Variants in SLF2 observed in about 807,000 individuals in gnomAD.
The protein encoded by SLF2 is SMC5/6 complex localization factor 2.
In SLF2, 68 loss-of-function variants were observed where a neutral mutation model predicts 124.3. The observed-to-expected ratio is 0.55, with a 90% CI of 0.45 to 0.67. The LOEUF (loss-of-function observed/expected upper bound fraction) is 0.67. SLF2 is among the 30% of genes least tolerant of loss of function. The probability of loss-of-function intolerance (pLI) is 0.00; values close to 1 mark genes in which losing one functional copy is unlikely to be tolerated. For missense variants in SLF2, 1,246 were observed against 1,373.7 expected, an observed-to-expected ratio of 0.91 and a Z score of 1.47; for synonymous variants, 480 against 478.8, an observed-to-expected ratio of 1.00 and a Z score of -0.03.
rs77091049 is a variant in SLF2, at chr10:100,936,166, G to C, written c.2437-1236G>C. ...GTGAGACACTGCGCCTGGCCCTAGT[G>C]TAAAAGTTTTAACCAAATTACACTC... On this transcript the variant is annotated intron_variant, in intron 9 of 19. Coordinates refer to ENST00000238961, the MANE Select transcript of SLF2 (RefSeq NM_018121.4). Among the ~76,000 whole-genome samples the C allele has an allele frequency of 7.3e-3, 1,100 of 151,540 alleles. 15 individuals are homozygous for C. Among genetic ancestry groups the C allele is most frequent in the East Asian group, 0.072 (368 of 5,112 alleles).
At chr10:100,955,218 G>A (rs1850307775) in intron 17 of SLF2, among the ~76,000 whole-genome samples, 1 of 151,538 alleles carries the variant, frequency 6.6e-6, no homozygotes, top group Admixed American at 6.6e-5. Flanking sequence ...GGAATTACAG[G>A]TGTGAGCTAC....
chr10:100,936,511 A>AT (rs1564777636), intron 9 of SLF2, among the ~76,000 whole-genome samples: 1 of 151,596 alleles, frequency 6.6e-6, no homozygotes, highest in Non-Finnish European at 1.5e-5. Context: ...TTCTTTTTGT[A>AT]TTTTTAGTAG....
chr10:100,924,995 T>C, intron 5 of SLF2, 23 bp downstream of exon 5: 1 of 1,572,098 alleles, frequency 6.4e-7, no homozygotes, highest in Non-Finnish European at 8.6e-7. Context: ...GTGACGTTTA[T>C]CTTTACTTGA....
chr10:100,913,025 C>A lies in SLF2; in HGVS notation c.-86C>A. 2 of 1,473,824 alleles carry A rather than the reference C, an allele frequency of 1.4e-6. No homozygotes were observed. The highest frequency in any genetic ancestry group is 1.9e-6 in the Non-Finnish European group (2 of 1,077,338). 91.3% of individuals were successfully genotyped at this position (1,473,824 alleles called of 1,614,324 possible). A position where few individuals can be genotyped will look rare whatever the true frequency, so the allele number is the denominator to read the frequency against. On this transcript the variant is annotated 5_prime_UTR_variant, in exon 1 of 20. Coordinates refer to ENST00000238961, the MANE Select transcript of SLF2 (RefSeq NM_018121.4). ...GTGCCGCCCACCTCTGCTCCGACAGCCTCCCGGAGTCCCAGCAGCAAGACG... is the reference window on the plus strand; with the variant it reads ...GTGCCGCCCACCTCTGCTCCGACAGACTCCCGGAGTCCCAGCAGCAAGACG...
intron 4 of SLF2, among the ~76,000 whole-genome samples, chr10:100,923,007 C>T (rs1313488647): frequency 1.3e-5 from 2 of 152,068 alleles, no homozygotes; most frequent in African/African-American, 2.4e-5. Flanking sequence ...AACTCCTGAC[C>T]TCAAGTGATC....
intron 12 of SLF2, 64 bp from the exon 13 acceptor site, chr10:100,945,266 T>A: frequency 7.4e-7 from 1 of 1,356,938 alleles, no homozygotes; most frequent in Non-Finnish European, 9.9e-7. Flanking sequence ...GAGTTTATAA[T>A]TAAAACTCTA....
In SLF2 at chr10:100,917,195, A is replaced by G; in HGVS notation, c.810A>G (p.Ala270=). Residue 270 remains alanine (A), a synonymous_variant, in exon 3 of 20, where the codon GCA becomes GCG. Coordinates refer to ENST00000238961, the MANE Select transcript of SLF2 (RefSeq NM_018121.4). ...ACTCCGAGAATTCTTTCTCAGAAGC[A>G]AGCAGTCTTTCCTTAAAATCTAGTA... ...RINSENSFSE[A]SSLSLKSSIE... is the part of the protein sequence containing the mutation. 6.2e-7 allele frequency: 1 copy of G among 1,614,228 alleles called. No homozygotes were observed.
intron 6 of SLF2, chr10:100,926,449 C>T: frequency 1.7e-6 from 1 of 577,540 alleles, no homozygotes; most frequent in Non-Finnish European, 2.8e-6. Context: ...ACAAAAAATA[C>T]AAAAATTAGC....
In SLF2 at chr10:100,950,065, TC is replaced by T; in HGVS notation, c.3121-10del. ...TTAGCTTTGTTCAATGTCTCCTCTT[TC>T]TTTTGATAGGTATCAGTCCTACATC... On this transcript the variant is annotated splice_polypyrimidine_tract_variant and intron_variant, in intron 15 of 19. Transcript: ENST00000238961. 1 of 1,553,074 alleles carries T rather than the reference TC, an allele frequency of 6.4e-7. No individual in the cohort carries two copies. Among genetic ancestry groups the T allele is most frequent in the Non-Finnish European group, 8.7e-7 (1 of 1,147,816 alleles).
In SLF2 at chr10:100,962,735, C is replaced by T. The variant is rs1850445928; in HGVS notation, c.*823C>T. 6.6e-6 allele frequency: 1 copy of T among 152,504 alleles called. No individual in the cohort carries two copies. The highest frequency in any genetic ancestry group is 1.5e-5 in the Non-Finnish European group (1 of 68,026). The allele number at this position is 152,504 out of a possible 1,614,324, so 9.4% of individuals were successfully genotyped here. On this transcript the variant is annotated 3_prime_UTR_variant, in exon 20 of 20. Coordinates refer to ENST00000238961, the MANE Select transcript of SLF2 (RefSeq NM_018121.4). Reference sequence around the variant, plus strand: ...CTCTTGGTAACCATATTACAGAAGTCTATATTGTAAAAGCCTAAAGATCTG... The same window carrying T: ...CTCTTGGTAACCATATTACAGAAGTTTATATTGTAAAAGCCTAAAGATCTG...
intron 4 of SLF2, among the ~76,000 whole-genome samples, chr10:100,920,321 T>C (rs1320807818): frequency 6.6e-6 from 1 of 152,224 alleles, no homozygotes. Context: ...TGAAAAAATC[T>C]TTTCATTTCC....
chr10:100,919,639 TAAC>T (rs1763720221), intron 4 of SLF2, among the ~76,000 whole-genome samples: 1 of 152,226 alleles, frequency 6.6e-6, no homozygotes, highest in Non-Finnish European at 1.5e-5. Context: ...TCTCCACAAC[TAAC>T]AACAGTTAAT....
At chr10:100,953,050 C>T (rs992109374) in intron 17 of SLF2, among the ~76,000 whole-genome samples, 2 of 151,746 alleles carry the variant, frequency 1.3e-5, no homozygotes, top group African/African-American at 4.8e-5. Flanking sequence ...GAGTCTTGCT[C>T]TGTCACCCAG....
At chr10:100,957,330 A>AAT in intron 18 of SLF2, among the ~76,000 whole-genome samples, 1 of 91,830 alleles carries the variant, frequency 1.1e-5, no homozygotes, top group Non-Finnish European at 1.9e-5. Context: ...GGAGTCTTCA[A>AAT]TTTTTTTTTT....
In SLF2 at chr10:100,926,032, A is replaced by G. The variant is rs1400118920; in HGVS notation, c.2042+13A>G. The stretch of plus-strand genomic sequence containing the variant: ...AAGACACACAAAGGTTTGTTAGCAT[A>G]AAGATTAATTTGCTAAATTTAACAT... On this transcript the variant is annotated intron_variant, in intron 6 of 19. Transcript: ENST00000238961. The G allele has an allele frequency of 1.2e-6, 2 of 1,614,238 alleles. No individual in the cohort carries two copies. Among genetic ancestry groups the G allele is most frequent in the Non-Finnish European group, 8.5e-7 (1 of 1,180,040 alleles).
In SLF2 at chr10:100,917,050, T is replaced by A. The variant is rs763185656; in HGVS notation, c.665T>A (p.Leu222Gln). Residue 222 changes from leucine to glutamine, a missense_variant, in exon 3 of 20, where the codon CTG becomes CAG. By Grantham distance (113) the Leu-to-Gln change is moderately radical. Around this residue, in one of 3 missense-constraint regions of SLF2, gnomAD observed 698 missense variants for 708.9 expected, o/e 0.98. Transcript: ENST00000238961. ...SSRSLSSRSS[L>Q]SRHHPEESPL... is the part of the protein sequence containing the mutation. Reference sequence around the variant, plus strand: ...AGAAGCCTTAGCAGCAGGAGCAGCCTGTCCAGGCACCACCCGGAAGAAAGC... The same window carrying A: ...AGAAGCCTTAGCAGCAGGAGCAGCCAGTCCAGGCACCACCCGGAAGAAAGC... 1.2e-6 allele frequency: 2 copies of A among 1,614,208 alleles called. No individual in the cohort carries two copies. Among genetic ancestry groups the A allele is most frequent in the Non-Finnish European group, 1.7e-6 (2 of 1,180,046 alleles).
At chr10:100,947,710 A>G (rs749319389) in intron 14 of SLF2, 50 bp from the exon 15 acceptor site, 1 of 1,305,990 alleles carries the variant, frequency 7.7e-7, no homozygotes, top group South Asian at 1.2e-5. Context: ...TTGCTTTTCA[A>G]GCAGTATTAA....
intron 17 of SLF2, among the ~76,000 whole-genome samples, chr10:100,953,934 G>C (rs1234975955): frequency 5.3e-5 from 8 of 152,022 alleles, no homozygotes. Context: ...TTACAGGCGT[G>C]AGCCACTGTG....
chr10:100,950,344 A>G, intron 16 of SLF2, 137 bp downstream of exon 16: 1 of 1,019,362 alleles, frequency 9.8e-7, no homozygotes, highest in East Asian at 2.7e-5. Context: ...AAAGCGAATA[A>G]TATTTTTAAT....
Sources: gnomAD v4.1 joint callset for allele counts (sites outside exome capture counted in the v4.1 genomes callset) on GRCh38, gnomAD v4.1.1 for gene constraint, gnomAD v4.1.1 regional missense constraint, MANE v1.5 for transcripts, NCBI Gene and HGNC (gene_info 2026-07-23, HGNC 2026-07-21) for gene names.